WDR70: variants seen among roughly 807,000 people sequenced by gnomAD.
WDR70 encodes the protein WD repeat-containing protein 70.
In WDR70, 53 loss-of-function variants were observed where a neutral mutation model predicts 88.6. The observed-to-expected ratio is 0.60, with a 90% CI of 0.48 to 0.75. The LOEUF (loss-of-function observed/expected upper bound fraction) is 0.75, where lower values mean the gene tolerates loss of function less well. Among genes scored for constraint, WDR70 ranks in the 30% least tolerant of loss-of-function variants. The pLI is 0.00. For missense variants in WDR70, 610 were observed against 823.2 expected (o/e 0.74, Z 3.17); for synonymous variants, 280 against 270.0 (o/e 1.04, Z -0.36).
At chr5:37,535,716 G>A (rs1270395151) in intron 9 of WDR70, among the ~76,000 whole-genome samples, 1 of 152,136 alleles carries the variant, frequency 6.6e-6, no homozygotes, top group African/African-American at 2.4e-5. Context: ...ATATATACCA[G>A]CACTGGGCAA....
intron 16 of WDR70, 40 bp from the exon 17 acceptor site, chr5:37,726,843 T>C: frequency 6.4e-7 from 1 of 1,558,582 alleles, no homozygotes; most frequent in South Asian, 1.2e-5. Context: ...ATCCTCATGC[T>C]CATTCAGTTT....
intron 5 of WDR70, among the ~76,000 whole-genome samples, chr5:37,426,549 G>T (rs751283753): frequency 6.6e-6 from 1 of 152,104 alleles, no homozygotes; most frequent in Non-Finnish European, 1.5e-5. Context: ...TGTTCACCAC[G>T]GCCTTACTTA....
intron 5 of WDR70, among the ~76,000 whole-genome samples, chr5:37,418,795 G>A (rs1265989540): frequency 6.6e-6 from 1 of 151,426 alleles, no homozygotes; most frequent in Admixed American, 6.6e-5. Context: ...GAGTCTCTTT[G>A]TCACTCAGGC....
At chr5:37,428,068 C>G (rs1028216008) in intron 5 of WDR70, among the ~76,000 whole-genome samples, 2 of 150,224 alleles carry the variant, frequency 1.3e-5, no homozygotes, top group Non-Finnish European at 3.0e-5. Context: ...ATCACCTAGA[C>G]TTGTTGAATT....
At chr5:37,708,265 G>T (rs889569483) in intron 13 of WDR70, among the ~76,000 whole-genome samples, 4 of 151,304 alleles carry the variant, frequency 2.6e-5, no homozygotes, top group African/African-American at 9.7e-5. Flanking sequence ...AGTATCTGGT[G>T]TGTTCTGTCA....
intron 13 of WDR70, among the ~76,000 whole-genome samples, chr5:37,716,200 G>A (rs1056025461): frequency 2.6e-5 from 4 of 152,160 alleles, no homozygotes; most frequent in African/African-American, 7.2e-5. Context: ...CGGAAATGGA[G>A]TTTCAACATA....
intron 10 of WDR70, among the ~76,000 whole-genome samples, chr5:37,638,282 T>C (rs1006402559): frequency 1.3e-5 from 2 of 152,234 alleles, no homozygotes; most frequent in Non-Finnish European, 2.9e-5. Flanking sequence ...TTTGCTTTTA[T>C]ATGTATTATA....
intron 9 of WDR70, among the ~76,000 whole-genome samples, chr5:37,564,606 A>AGGAGG (rs1466373582): frequency 3.3e-5 from 5 of 151,348 alleles, no homozygotes; most frequent in Non-Finnish European, 5.9e-5. Context: ...GGAGAGGGAG[A>AGGAGG]GCGAGGCTTA....
Position 37,432,617 on chromosome 5 carries a change from C to T in WDR70, c.493-5305C>T, listed in dbSNP as rs7727207. 8.7e-3 allele frequency among the ~76,000 whole-genome samples: 1,315 copies of T among 151,764 alleles called. 24 individuals are homozygous for T. Among genetic ancestry groups the T allele is most frequent in the African/African-American group, 0.03 (1,241 of 41,358 alleles). On this transcript the variant is annotated intron_variant, in intron 5 of 17. Coordinates refer to ENST00000265107, the MANE Select transcript of WDR70 (RefSeq NM_018034.4). ...TTCGCCGTGTTAGCCAGGATGGTCT[C>T]GATCTCCTGACCTTGTGATCCGCCC...
chr5:37,642,674 G>C (rs1400855), intron 10 of WDR70, among the ~76,000 whole-genome samples: 16,104 of 152,014 alleles, frequency 0.11, 2,738 homozygotes, highest in African/African-American at 0.36. Context: ...CTGTCTTTTG[G>C]ATAAAAGCCA....
At chr5:37,466,370 C>T (rs1739149094) in intron 7 of WDR70, among the ~76,000 whole-genome samples, 1 of 152,176 alleles carries the variant, frequency 6.6e-6, no homozygotes, top group Non-Finnish European at 1.5e-5. Context: ...CTGTAGTGTT[C>T]AATACATTAG....
intron 9 of WDR70, among the ~76,000 whole-genome samples, chr5:37,592,054 C>T (rs769059602): frequency 2.0e-5 from 3 of 152,062 alleles, no homozygotes; most frequent in Non-Finnish European, 4.4e-5. Flanking sequence ...TATGAAAAAC[C>T]TACAGGTTCA....
chr5:37,734,313 A>G (rs1294316527), intron 17 of WDR70, among the ~76,000 whole-genome samples: 2 of 152,136 alleles, frequency 1.3e-5, no homozygotes, highest in Non-Finnish European at 2.9e-5. Context: ...AAATATCAGC[A>G]GTTTTATATT....
chr5:37,749,515 G>A (rs1748737295), intron 17 of WDR70, among the ~76,000 whole-genome samples: 5 of 152,010 alleles, frequency 3.3e-5, no homozygotes, highest in Admixed American at 3.3e-4. Context: ...GTATACTGAT[G>A]TAATGAACCT....
At chr5:37,530,300 T>C (rs1290214113) in intron 9 of WDR70, among the ~76,000 whole-genome samples, 1 of 152,162 alleles carries the variant, frequency 6.6e-6, no homozygotes, top group Non-Finnish European at 1.5e-5. Flanking sequence ...ATTTTGGGTA[T>C]TAGAGTGATA....
chr5:37,415,867 C>T (rs1749723455), intron 5 of WDR70, among the ~76,000 whole-genome samples: 1 of 151,272 alleles, frequency 6.6e-6, no homozygotes, highest in South Asian at 2.1e-4. Flanking sequence ...CCTCACATCC[C>T]AGACGGGGCG....
chr5:37,681,830 C>T (rs530766580), intron 10 of WDR70, among the ~76,000 whole-genome samples: 2 of 152,004 alleles, frequency 1.3e-5, no homozygotes, highest in Middle Eastern at 3.4e-3. Flanking sequence ...TTCGGTTTAC[C>T]AATATTTTGT....
intron 10 of WDR70, among the ~76,000 whole-genome samples, chr5:37,687,274 G>A (rs770424419): frequency 2.1e-4 from 32 of 152,120 alleles, no homozygotes; most frequent in Non-Finnish European, 4.3e-4. Context: ...TAATTGAAGA[G>A]CACTTTTTGA....
At chr5:37,407,858 C>G (rs545682397) in intron 5 of WDR70, among the ~76,000 whole-genome samples, 5 of 152,090 alleles carry the variant, frequency 3.3e-5, no homozygotes, top group Admixed American at 3.3e-4. Flanking sequence ...CATGCTTTTA[C>G]AGTATGATGC....
Sources: allele counts gnomAD v4.1 joint callset (sites outside exome capture counted in the v4.1 genomes callset), GRCh38; gene constraint gnomAD v4.1.1; transcripts MANE v1.5; gene names NCBI Gene and HGNC (gene_info 2026-07-23, HGNC 2026-07-21).